The following NAV3 variants were observed in gnomAD, a reference collection of about 807,000 sequenced individuals.
NAV3 encodes the protein neuron navigator 3.
Under a neutral mutation model 244.7 loss-of-function variants are expected in NAV3, and 87 were observed. The ratio of observed to expected loss-of-function variants is 0.36; its 90% confidence interval spans 0.30 to 0.42. The LOEUF is 0.42. Among genes scored for constraint, NAV3 ranks in the 20% least tolerant of loss-of-function variants. NAV3 has a pLI of 1.00. For missense variants in NAV3, 2,663 were observed against 2,893.3 expected (o/e 0.92, Z 1.83); for synonymous variants, 1,126 against 1,042.2 (o/e 1.08, Z -1.55).
intron 2 of NAV3, among the ~76,000 whole-genome samples, chr12:77,799,967 A>G (rs1871623151): frequency 6.6e-6 from 1 of 152,192 alleles, no homozygotes; most frequent in Non-Finnish European, 1.5e-5. Context: ...CTGGGAGTTG[A>G]TGTCACAAAA....
chr12:78,046,316 G>A (rs1237650333), intron 9 of NAV3, among the ~76,000 whole-genome samples: 1 of 152,142 alleles, frequency 6.6e-6, no homozygotes, highest in Non-Finnish European at 1.5e-5. Flanking sequence ...TTTTAATTGT[G>A]ATGTTAAGGT....
intron 1 of NAV3, among the ~76,000 whole-genome samples, chr12:77,868,754 T>G (rs1395830844): frequency 2.3e-5 from 1 of 43,448 alleles, no homozygotes; most frequent in Non-Finnish European, 4.8e-5. Context: ...AGACTCCATC[T>G]CAAAAAAAAA....
intron 2 of NAV3, among the ~76,000 whole-genome samples, chr12:77,624,630 A>T (rs696461): frequency 0.037 from 5,632 of 152,182 alleles, 130 homozygotes; most frequent in Middle Eastern, 0.054. Flanking sequence ...AGTTTACAGG[A>T]TATGCTGCTG....
intron 2 of NAV3, among the ~76,000 whole-genome samples, chr12:77,672,630 A>G (rs1874032506): frequency 1.3e-5 from 2 of 151,954 alleles, no homozygotes; most frequent in Non-Finnish European, 2.9e-5. Context: ...TGTATAAGCT[A>G]TGAGGACACA....
chr12:78,152,068 G>A (rs138322764), intron 22 of NAV3, among the ~76,000 whole-genome samples: 190 of 151,444 alleles, frequency 1.3e-3, no homozygotes, highest in African/African-American at 4.3e-3. Context: ...AATTTCCCAG[G>A]AGTTTCAACC....
intron 23 of NAV3, among the ~76,000 whole-genome samples, chr12:78,166,303 A>G (rs528429465): frequency 6.6e-6 from 1 of 151,968 alleles, no homozygotes; most frequent in South Asian, 2.1e-4. Flanking sequence ...CTTGAGTGAC[A>G]AGGTGAGAGC....
intron 2 of NAV3, among the ~76,000 whole-genome samples, chr12:77,761,890 C>T (rs766982214): frequency 7.2e-5 from 11 of 152,132 alleles, no homozygotes; most frequent in Admixed American, 1.3e-4. Flanking sequence ...GGATCTAGAA[C>T]CAGAAATACC....
At chr12:77,833,686 A>G (rs1376179620) in intron 1 of NAV3, among the ~76,000 whole-genome samples, 1 of 152,160 alleles carries the variant, frequency 6.6e-6, no homozygotes, top group Non-Finnish European at 1.5e-5. Flanking sequence ...GGCTTTCTGT[A>G]TTCTGGGTTC....
chr12:78,140,061 T>C lies in NAV3; in HGVS notation c.4631-221T>C, dbSNP rs375040466. ...CTCATGCTTGTAGGCTTCTGTCTAA[T>C]AACTTGGCAACTGAGGTACTTTAGG... On this transcript the variant is annotated intron_variant, in intron 19 of 39. Transcript: ENST00000397909. Among the ~76,000 whole-genome samples the C allele has an allele frequency of 5.3e-5, 8 of 152,322 alleles. No individual in the cohort carries two copies. In the East Asian group the frequency reaches 1.2e-3, roughly 22 times the overall value.
chr12:77,775,043 G>T (rs975487507), intron 2 of NAV3, among the ~76,000 whole-genome samples: 2 of 152,096 alleles, frequency 1.3e-5, no homozygotes, highest in Non-Finnish European at 2.9e-5. Flanking sequence ...AGGCATGGAC[G>T]TTACCATTTT....
intron 2 of NAV3, among the ~76,000 whole-genome samples, chr12:77,595,677 C>T (rs965441102): frequency 4.9e-4 from 74 of 152,196 alleles, no homozygotes; most frequent in African/African-American, 1.8e-3. Flanking sequence ...CAAAAAAGAA[C>T]ATATCTTACC....
At chr12:78,200,636 AG>A in intron 38 of NAV3, 45 bp downstream of exon 38, 1 of 1,212,918 alleles carries the variant, frequency 8.2e-7, no homozygotes, top group Non-Finnish European at 1.1e-6. Flanking sequence ...AAAAAAAAAA[AG>A]CAAAAAAAAT....
At chr12:78,174,098 G>C (rs1958120742) in intron 24 of NAV3, among the ~76,000 whole-genome samples, 1 of 151,526 alleles carries the variant, frequency 6.6e-6, no homozygotes, top group African/African-American at 2.4e-5. Flanking sequence ...TTTTTTGCTT[G>C]ACTAATCTGC....
intron 2 of NAV3, among the ~76,000 whole-genome samples, chr12:77,643,032 T>C (rs1421331587): frequency 6.6e-6 from 1 of 152,014 alleles, no homozygotes; most frequent in East Asian, 1.9e-4. Flanking sequence ...CATGTCACTT[T>C]TTTCTCTTCT....
intron 2 of NAV3, among the ~76,000 whole-genome samples, chr12:77,577,225 C>T (rs1869130598): frequency 6.6e-6 from 1 of 152,214 alleles, no homozygotes; most frequent in South Asian, 2.1e-4. Flanking sequence ...AAGATGATTC[C>T]ACAAACAGCT....
At chr12:77,641,924 A>C (rs552838978) in intron 2 of NAV3, among the ~76,000 whole-genome samples, 5 of 152,136 alleles carry the variant, frequency 3.3e-5, no homozygotes, top group African/African-American at 1.2e-4. Flanking sequence ...AAATGCATGG[A>C]GCTATCTTGT....
intron 13 of NAV3, 128 bp from the exon 14 acceptor site, chr12:78,117,899 G>A (rs534600447): frequency 1.1e-6 from 1 of 915,918 alleles, no homozygotes; most frequent in Non-Finnish European, 1.5e-6. Context: ...TTAATAAAAT[G>A]TAAGTGAAGG....
Position 78,199,494 on chromosome 12 carries a change from T to G in NAV3, c.6678T>G (p.Ser2226Arg). The G allele has an allele frequency of 6.2e-7, 1 of 1,601,892 alleles. No homozygotes were observed. The highest frequency in any genetic ancestry group is 8.5e-7 in the Non-Finnish European group (1 of 1,176,108). ...CGAAGACGTGGCATCATCTCAACAG[T>G]TTTTTGGAAACACACAGTTCTTCTG... ...WIPKTWHHLN[S>R]FLETHSSSDV... The change falls in exon 37 of 40, where the codon AGT (serine) becomes AGG (arginine). Residue 2226 changes from serine (S) to arginine (R), a missense_variant. Physicochemically the swap from Ser to Arg is moderately radical, Grantham distance 110. Transcript: ENST00000397909.
At position 77,845,691 on chromosome 12, in the gene NAV3, T is replaced by C. The variant is rs915135874; in HGVS notation, c.243+13987T>C. On this transcript the variant is annotated intron_variant, in intron 1 of 39. Coordinates refer to ENST00000397909, the MANE Select transcript of NAV3 (RefSeq NM_001024383.2). ...TTTTTGAGATGGAGTTTCACTCTTG[T>C]TGCCCAGACTGGAGTGCAATGTCAC... Among the ~76,000 whole-genome samples, 81 of 151,252 alleles carry C rather than the reference T, an allele frequency of 5.4e-4. 1 individual carries two copies. Among genetic ancestry groups the C allele is most frequent in the Admixed American group, 1.5e-3 (22 of 15,160 alleles).
Sources: allele counts gnomAD v4.1 joint callset (sites outside exome capture counted in the v4.1 genomes callset), GRCh38; gene constraint gnomAD v4.1.1; transcripts MANE v1.5; gene names NCBI Gene and HGNC (gene_info 2026-07-23, HGNC 2026-07-21).